MMP24: variants seen among roughly 807,000 people sequenced by gnomAD.
MMP24 encodes the protein matrix metallopeptidase 24, also known as matrix metalloproteinase-24.
Under a neutral mutation model 62.8 loss-of-function variants are expected in MMP24, and 25 were observed. The ratio of observed to expected loss-of-function variants is 0.40; its 90% confidence interval spans 0.29 to 0.56. The LOEUF (loss-of-function observed/expected upper bound fraction) is 0.56, where lower values mean the gene tolerates loss of function less well. Among genes scored for constraint, MMP24 ranks in the 20% least tolerant of loss-of-function variants. The pLI, the probability that MMP24 is intolerant of heterozygous loss-of-function variation, is 0.50. For synonymous variants in MMP24, 319 were observed against 350.5 expected, an observed-to-expected ratio of 0.91 and a Z score of 1.00; for missense variants, 634 against 853.6, an observed-to-expected ratio of 0.74 and a Z score of 3.21.
Position 35,276,264 on chromosome 20 carries a change from T to C in MMP24, c.*1655T>C. Reference sequence around the variant, plus strand: ...GCTGTGTCCCCTGTCATCATCCTTGTTTTTTCTCATTTTGGCCAAGGGCAG... The same window carrying C: ...GCTGTGTCCCCTGTCATCATCCTTGCTTTTTCTCATTTTGGCCAAGGGCAG... On this transcript the variant is annotated 3_prime_UTR_variant, in exon 9 of 9. Coordinates refer to ENST00000246186, the MANE Select transcript of MMP24 (RefSeq NM_006690.4). 5.0e-6 allele frequency: 2 copies of C among 399,120 alleles called. No individual in the cohort carries two copies. Among genetic ancestry groups the C allele is most frequent in the Non-Finnish European group, 8.8e-6 (2 of 226,112 alleles). 24.7% of individuals were successfully genotyped at this position (399,120 alleles called of 1,614,324 possible).
chr20:35,276,018 A>C lies in MMP24; in HGVS notation c.*1409A>C. The C allele has an allele frequency of 2.5e-6, 1 of 398,464 alleles. No individual in the cohort carries two copies. The highest frequency in any genetic ancestry group is 4.4e-6 in the Non-Finnish European group (1 of 226,084). The allele number at this position is 398,464 out of a possible 1,614,324, so 24.7% of individuals were successfully genotyped here. ...AAGGCCAATGGGTTCATCAATGCCC[A>C]CTGGCTCTCTGCCAAAGCCAAAAAG... On this transcript the variant is annotated 3_prime_UTR_variant, in exon 9 of 9. Transcript: ENST00000246186.
chr20:35,264,517 C>A (rs1221098553), intron 5 of MMP24, among the ~76,000 whole-genome samples: 1 of 151,652 alleles, frequency 6.6e-6, no homozygotes, highest in Non-Finnish European at 1.5e-5. Flanking sequence ...CATGGTGAAA[C>A]CCCATCTCTA....
rs1428261504 is a variant in MMP24, at chr20:35,275,332, C to T, written c.*723C>T. The T allele has an allele frequency of 6.6e-6, 1 of 152,290 alleles. No homozygotes were observed. Among genetic ancestry groups the T allele is most frequent in the Non-Finnish European group, 1.5e-5 (1 of 68,144 alleles). 9.4% of individuals were successfully genotyped at this position (152,290 alleles called of 1,614,324 possible). ...CTACTGTCCCATTTTGCAAAGGCTGCTTGAGGCTTTAGGTGAACTAGAGGT... is the reference window on the plus strand; with the variant it reads ...CTACTGTCCCATTTTGCAAAGGCTGTTTGAGGCTTTAGGTGAACTAGAGGT... On this transcript the variant is annotated 3_prime_UTR_variant, in exon 9 of 9. Transcript: ENST00000246186.
Position 35,274,844 on chromosome 20 carries a change from C to A in MMP24, c.*235C>A, listed in dbSNP as rs2060694830. ...CTGCCAGCCTTCTGTCCTGGGCAAA[C>A]TACTCCCTACTTAAGGGAATAGGCC... On this transcript the variant is annotated 3_prime_UTR_variant, in exon 9 of 9. Coordinates refer to ENST00000246186, the MANE Select transcript of MMP24 (RefSeq NM_006690.4). The surrounding 1 kb of genome is among the most constrained non-coding windows in gnomAD (Gnocchi z 5.1). The A allele has an allele frequency of 1.2e-5, 7 of 561,170 alleles. No homozygotes were observed. The East Asian group carries it at 2.1e-4, about 17-fold the overall frequency. The allele number at this position is 561,170 out of a possible 1,614,324, so 34.8% of individuals were successfully genotyped here. A position where few individuals can be genotyped will look rare whatever the true frequency, so the allele number is the denominator to read the frequency against.
chr20:35,248,567 C>G (rs1200711213), intron 2 of MMP24, among the ~76,000 whole-genome samples: 2 of 152,132 alleles, frequency 1.3e-5, no homozygotes, highest in East Asian at 3.9e-4. Context: ...CTCGGCCTCC[C>G]AGAGTGCTAG....
chr20:35,229,148 G>C (rs1184016254), intron 1 of MMP24, among the ~76,000 whole-genome samples: 1 of 152,164 alleles, frequency 6.6e-6, no homozygotes, highest in Non-Finnish European at 1.5e-5. Flanking sequence ...ACGTTTGTCT[G>C]CCATCTTGCA....
intron 1 of MMP24, among the ~76,000 whole-genome samples, chr20:35,244,051 G>T (rs1350266332): frequency 1.3e-5 from 2 of 152,214 alleles, no homozygotes; most frequent in East Asian, 3.9e-4. Flanking sequence ...AGATGTTATA[G>T]TCACCTTTGG....
intron 5 of MMP24, among the ~76,000 whole-genome samples, chr20:35,264,877 A>T (rs759734410): frequency 7.2e-5 from 11 of 152,162 alleles, no homozygotes; most frequent in Non-Finnish European, 1.6e-4. Flanking sequence ...TAGGGAGACC[A>T]GTTTACTTGA....
Position 35,275,866 on chromosome 20 carries a change from G to A in MMP24, c.*1257G>A. 2.5e-6 allele frequency: 1 copy of A among 397,318 alleles called. No homozygotes were observed. The highest frequency in any genetic ancestry group is 4.4e-6 in the Non-Finnish European group (1 of 225,816). 24.6% of individuals were successfully genotyped at this position (397,318 alleles called of 1,614,324 possible). A position where few individuals can be genotyped will look rare whatever the true frequency, so the allele number is the denominator to read the frequency against. ...CCTACCGGTAGCAGCCCCAAGCTGA[G>A]GGGGCTCCCTTTTTGACCTTCACTG... On this transcript the variant is annotated 3_prime_UTR_variant, in exon 9 of 9. Coordinates refer to ENST00000246186, the MANE Select transcript of MMP24 (RefSeq NM_006690.4).
intron 1 of MMP24, among the ~76,000 whole-genome samples, chr20:35,231,641 C>T (rs2060438084): frequency 6.6e-6 from 1 of 152,106 alleles, no homozygotes; most frequent in Admixed American, 6.6e-5. Context: ...GTCCTGGGAA[C>T]AATACCATGA....
chr20:35,246,360 C>T (rs2060514853), intron 1 of MMP24, among the ~76,000 whole-genome samples: 1 of 151,800 alleles, frequency 6.6e-6, no homozygotes, highest in African/African-American at 2.4e-5. Context: ...GCCTGTAATC[C>T]CAGCTATTCG....
At position 35,269,657 on chromosome 20, in the gene MMP24, G is replaced by A. The variant is rs983129226; in HGVS notation, c.1195-103G>A. 50 of 1,374,618 alleles carry A rather than the reference G, an allele frequency of 3.6e-5. No individual in the cohort carries two copies. The highest frequency in any genetic ancestry group is 5.5e-5 in the South Asian group (4 of 72,322). 85.2% of individuals were successfully genotyped at this position (1,374,618 alleles called of 1,614,324 possible). ...TCAGAAGCAGCTAATGGACAGTCTCGGTGGAGGGCTGGGCTGTTGGGACCT... is the reference window on the plus strand; with the variant it reads ...TCAGAAGCAGCTAATGGACAGTCTCAGTGGAGGGCTGGGCTGTTGGGACCT... On this transcript the variant is annotated intron_variant, in intron 6 of 8. Coordinates refer to ENST00000246186, the MANE Select transcript of MMP24 (RefSeq NM_006690.4). The surrounding 1 kb of genome is among the most constrained non-coding windows in gnomAD (Gnocchi z 4.6).
At chr20:35,243,516 A>C (rs922418398) in intron 1 of MMP24, among the ~76,000 whole-genome samples, 7 of 152,150 alleles carry the variant, frequency 4.6e-5, no homozygotes, top group Middle Eastern at 3.2e-3. Context: ...TGTTGAATGC[A>C]CATAATGAGC....
chr20:35,267,451 GC>G, intron 6 of MMP24, 32 bp downstream of exon 6: 1 of 1,536,706 alleles, frequency 6.5e-7, no homozygotes. Context: ...CACCCAGCTG[GC>G]CCCTGACCTT....
chr20:35,250,433 G>A (rs546912611), intron 2 of MMP24, among the ~76,000 whole-genome samples: 12 of 152,008 alleles, frequency 7.9e-5, no homozygotes, highest in South Asian at 4.2e-4. Flanking sequence ...GGTGGTGCGC[G>A]CCTGTAATCC....
intron 1 of MMP24, among the ~76,000 whole-genome samples, chr20:35,244,777 C>T (rs988599315): frequency 6.6e-6 from 1 of 150,456 alleles, no homozygotes; most frequent in African/African-American, 2.4e-5. Context: ...AGAGTCATTA[C>T]TTGTTGGAGC....
chr20:35,254,160 C>T (rs531267842), intron 3 of MMP24, among the ~76,000 whole-genome samples: 3 of 152,266 alleles, frequency 2.0e-5, no homozygotes, highest in Non-Finnish European at 2.9e-5. Context: ...TGAACCGCTG[C>T]GCCCAGCCCC....
chr20:35,270,070 T>A (rs566434428), intron 7 of MMP24, among the ~76,000 whole-genome samples, 172 bp downstream of exon 7: 1 of 152,280 alleles, frequency 6.6e-6, no homozygotes, highest in Middle Eastern at 3.4e-3. Context: ...ACTGAGAATC[T>A]GTATGTGCCG....
chr20:35,246,591 T>G (rs2060516022), intron 1 of MMP24, among the ~76,000 whole-genome samples: 1 of 152,154 alleles, frequency 6.6e-6, no homozygotes, highest in Non-Finnish European at 1.5e-5. Context: ...GAATTCAAAT[T>G]TAATCTTTAT....
Sources: gnomAD v4.1 joint callset for allele counts (sites outside exome capture counted in the v4.1 genomes callset) on GRCh38, gnomAD v4.1.1 for gene constraint, Gnocchi (gnomAD v3.1) non-coding constraint, MANE v1.5 for transcripts, NCBI Gene and HGNC (gene_info 2026-07-23, HGNC 2026-07-21) for gene names.